Variants in RPRD2 observed in about 807,000 individuals in gnomAD.
The protein encoded by RPRD2 is regulation of nuclear pre-mRNA domain-containing protein 2.
Under a neutral mutation model 104.4 loss-of-function variants are expected in RPRD2, and 12 were observed. The ratio of observed to expected loss-of-function variants is 0.11; its 90% CI spans 0.07 to 0.19. RPRD2 has a LOEUF of 0.19. Among genes scored for constraint, RPRD2 ranks in the 10% least tolerant of loss-of-function variants. The pLI is 1.00. For synonymous variants in RPRD2, 714 were observed against 684.9 expected (o/e 1.04, Z -0.66); for missense variants, 1,543 against 1,790.1 (o/e 0.86, Z 2.49).
chr1:150,444,447 C>T, intron 6 of RPRD2, 70 bp downstream of exon 6: 1 of 1,498,202 alleles, frequency 6.7e-7, no homozygotes, highest in Non-Finnish European at 9.1e-7. Context: ...AGTAATCATA[C>T]TGGTTTACCT....
chr1:150,411,481 C>T (rs1397785038), intron 1 of RPRD2, among the ~76,000 whole-genome samples: 1 of 106,972 alleles, frequency 9.3e-6, no homozygotes, highest in East Asian at 2.5e-4. Context: ...AAAAAAAAAA[C>T]GAAACAAACA....
intron 7 of RPRD2, among the ~76,000 whole-genome samples, chr1:150,456,842 T>C (rs1667564559): frequency 6.6e-6 from 1 of 151,834 alleles, no homozygotes. Context: ...GGAGAATCAC[T>C]TGAACCCAGG....
chr1:150,464,601 C>T lies in RPRD2; in HGVS notation c.1486C>T (p.Pro496Ser). ...CAACCTCACCAGTGGCCTGAAAACACCTGCACCTGCCACGACAACATCTCA... is the reference window on the plus strand; with the variant it reads ...CAACCTCACCAGTGGCCTGAAAACATCTGCACCTGCCACGACAACATCTCA... ...PSNLTSGLKT[P>S]APATTTSHNP... The change falls in exon 10 of 11, where the codon CCT (proline) becomes TCT (serine). Residue 496 changes from proline to serine, a missense_variant. Transcript: ENST00000369068. 2 of 1,609,340 alleles carry T rather than the reference C, an allele frequency of 1.2e-6. No homozygotes were observed. The highest frequency in any genetic ancestry group is 1.7e-6 in the Non-Finnish European group (2 of 1,177,814).
At chr1:150,388,969 TC>T (rs1661853043) in intron 1 of RPRD2, among the ~76,000 whole-genome samples, 1 of 152,148 alleles carries the variant, frequency 6.6e-6, no homozygotes, top group African/African-American at 2.4e-5. Context: ...TGTTGTTTTC[TC>T]CATAACTCCA....
intron 1 of RPRD2, among the ~76,000 whole-genome samples, chr1:150,384,116 T>C (rs1399776862): frequency 6.6e-6 from 1 of 152,124 alleles, no homozygotes; most frequent in Non-Finnish European, 1.5e-5. Flanking sequence ...ATATTCAGCA[T>C]TTTCCAAACT....
intron 7 of RPRD2, among the ~76,000 whole-genome samples, chr1:150,452,573 T>A (rs1006521817): frequency 6.6e-6 from 1 of 152,186 alleles, no homozygotes; most frequent in Non-Finnish European, 1.5e-5. Context: ...ACTGTTTTAA[T>A]TCATTACTAC....
Position 150,393,461 on chromosome 1 carries a change from A to AAT in RPRD2, c.206-24134_206-24133insTA, listed in dbSNP as rs1385712508. 1.8e-3 allele frequency among the ~76,000 whole-genome samples: 272 copies of AAT among 151,134 alleles called. 2 individuals carry two copies. The highest frequency in any genetic ancestry group is 6.3e-3 in the African/African-American group (256 of 40,928). Reference sequence around the variant, plus strand: ...AACAGAGAGACCCTGTCTCAAAAAAAAAAAAAAAAAAAAAAACCAATAAAA... The same window carrying AAT: ...AACAGAGAGACCCTGTCTCAAAAAAAATAAAAAAAAAAAAAAAACCAATAAAA... On this transcript the variant is annotated intron_variant, in intron 1 of 10. Coordinates refer to ENST00000369068, the MANE Select transcript of RPRD2 (RefSeq NM_015203.5).
chr1:150,394,801 C>CAT (rs1222927174), intron 1 of RPRD2, among the ~76,000 whole-genome samples: 2 of 151,960 alleles, frequency 1.3e-5, no homozygotes, highest in Non-Finnish European at 2.9e-5. Flanking sequence ...AGGCTGGTCT[C>CAT]AAACTCCAGA....
chr1:150,381,835 A>G (rs587732665), intron 1 of RPRD2, among the ~76,000 whole-genome samples: 1 of 152,162 alleles, frequency 6.6e-6, no homozygotes, highest in African/African-American at 2.4e-5. Flanking sequence ...AGATTTATGT[A>G]TGTAGGGAGA....
chr1:150,471,663 T>A lies in RPRD2; in HGVS notation c.2715T>A (p.Arg905=), dbSNP rs1418372721. 2 of 1,613,756 alleles carry A rather than the reference T, an allele frequency of 1.2e-6. No homozygotes were observed. The highest frequency in any genetic ancestry group is 1.7e-6 in the Non-Finnish European group (2 of 1,179,872). Residue 905 remains arginine, a synonymous_variant, in exon 11 of 11, where the codon CGT becomes CGA. Coordinates refer to ENST00000369068, the MANE Select transcript of RPRD2 (RefSeq NM_015203.5). This position sits in a 1 kb window ranked among gnomAD's most constrained non-coding sequence, Gnocchi z 5.3. The part of the protein sequence containing the change: ...ALLDSSENCD[R]LSSSPGLFGA... ...TGGACTCTAGTGAGAACTGTGACCG[T>A]CTCTCATCTTCCCCTGGGCTATTTG...
rs1475735170 is a variant in RPRD2 at position 150,474,041 on chromosome 1, T to C, written c.*707T>C. On this transcript the variant is annotated 3_prime_UTR_variant, in exon 11 of 11. Transcript: ENST00000369068. The stretch of plus-strand genomic sequence containing the variant: ...AAATAAGGAAAGGAAGCATTAATGG[T>C]GTGATGTGACCTGCCTGTTTTTTTG... 6.6e-6 allele frequency: 1 copy of C among 152,188 alleles called. No individual in the cohort carries two copies. Among genetic ancestry groups the C allele is most frequent in the Non-Finnish European group, 1.5e-5 (1 of 68,032 alleles). The allele number at this position is 152,188 out of a possible 1,614,324, so 9.4% of individuals were successfully genotyped here.
chr1:150,374,539 G>A (rs1553879102), intron 1 of RPRD2, among the ~76,000 whole-genome samples: 1 of 152,148 alleles, frequency 6.6e-6, no homozygotes, highest in East Asian at 1.9e-4. Flanking sequence ...GGAAGTGGGG[G>A]GCAGTCTTGT....
intron 1 of RPRD2, among the ~76,000 whole-genome samples, chr1:150,407,500 C>G (rs1012445862): frequency 6.6e-6 from 1 of 152,144 alleles, no homozygotes; most frequent in African/African-American, 2.4e-5. Context: ...TTAGCTCAGC[C>G]TAACGTATGT....
chr1:150,365,232 C>A (rs1659746036), intron 1 of RPRD2, among the ~76,000 whole-genome samples: 1 of 152,194 alleles, frequency 6.6e-6, no homozygotes, highest in South Asian at 2.1e-4. Flanking sequence ...TTTTTCCGAA[C>A]CTTCGCGGAA....
chr1:150,471,973 T>G lies in RPRD2; in HGVS notation c.3025T>G (p.Phe1009Val). Residue 1009 changes from phenylalanine to valine, a missense_variant, in exon 11 of 11, where the codon TTT becomes GTT. By Grantham distance (50) the Phe-to-Val change is conservative. Around this residue, in one of 4 missense-constraint regions of RPRD2, gnomAD observed 880 missense variants for 885.6 expected, o/e 0.99. Transcript: ENST00000369068. The surrounding 1 kb of genome is among the most constrained non-coding windows in gnomAD (Gnocchi z 5.3). ...CATTTCCACCACGTCGACGATTGAA[T>G]TTAAGAATATGCTTAAAAACGCCTC... ...STISTTSTIEFKNMLKNASRK... is the reference protein window; with the variant it reads ...STISTTSTIEVKNMLKNASRK... 6.2e-7 allele frequency: 1 copy of G among 1,613,924 alleles called. No homozygotes were observed.
intron 2 of RPRD2, among the ~76,000 whole-genome samples, chr1:150,422,937 T>G (rs1409935132): frequency 6.6e-6 from 1 of 152,228 alleles, no homozygotes; most frequent in Admixed American, 6.5e-5. Context: ...TCTCCAGTAC[T>G]TATCCAGTTA....
intron 1 of RPRD2, among the ~76,000 whole-genome samples, chr1:150,368,402 C>T (rs1408776121): frequency 6.6e-6 from 1 of 150,886 alleles, no homozygotes; most frequent in Non-Finnish European, 1.5e-5. Flanking sequence ...AAGTGATTCT[C>T]TTGCCTCAGC....
intron 1 of RPRD2, among the ~76,000 whole-genome samples, chr1:150,388,460 A>G (rs182275124): frequency 2.7e-5 from 4 of 148,580 alleles, no homozygotes; most frequent in African/African-American, 9.9e-5. Flanking sequence ...ATATATGTAT[A>G]TGCATATATA....
chr1:150,444,220 TAAATGA>T (rs1553895093), intron 5 of RPRD2, 25 bp from the exon 6 acceptor site: 1 of 1,592,032 alleles, frequency 6.3e-7, no homozygotes, highest in Admixed American at 1.8e-5. Context: ...AATGATCTTG[TAAATGA>T]AATATGACTC....
Sources: allele counts gnomAD v4.1 joint callset (sites outside exome capture counted in the v4.1 genomes callset), GRCh38; gene constraint gnomAD v4.1.1; regional missense constraint gnomAD v4.1.1; non-coding constraint Gnocchi (gnomAD v3.1); transcripts MANE v1.5; gene names NCBI Gene and HGNC (gene_info 2026-07-23, HGNC 2026-07-21).